ARHGAP10: variants seen among roughly 807,000 people sequenced by gnomAD.
The protein encoded by ARHGAP10 is Rho GTPase activating protein 10.
In ARHGAP10, 87 loss-of-function variants were observed where a neutral mutation model predicts 108.6. The observed-to-expected ratio is 0.80, with a 90% CI of 0.67 to 0.96. The LOEUF is 0.96. Among genes scored for constraint, ARHGAP10 ranks in the 40% least tolerant of loss-of-function variants. ARHGAP10 has a pLI of 0.00. For synonymous variants in ARHGAP10, 347 were observed against 341.1 expected, an observed-to-expected ratio of 1.02 and a Z score of -0.19; for missense variants, 939 against 954.5, an observed-to-expected ratio of 0.98 and a Z score of 0.21.
At chr4:147,975,820 A>G (rs778024316) in intron 18 of ARHGAP10, among the ~76,000 whole-genome samples, 6 of 152,246 alleles carry the variant, frequency 3.9e-5, no homozygotes, top group Non-Finnish European at 8.8e-5. Flanking sequence ...GCAGTGTCCA[A>G]TGTAATCACC....
intron 18 of ARHGAP10, among the ~76,000 whole-genome samples, chr4:148,014,047 C>T (rs1220210451): frequency 6.6e-6 from 1 of 151,932 alleles, no homozygotes; most frequent in African/African-American, 2.4e-5. Flanking sequence ...GAAAAGGAAC[C>T]TCAAAAGAAG....
intron 7 of ARHGAP10, 23 bp from the exon 8 acceptor site, chr4:147,874,997 TG>T (rs745790711): frequency 6.4e-7 from 1 of 1,554,280 alleles, no homozygotes; most frequent in East Asian, 2.3e-5. Context: ...TTAACATTTA[TG>T]TGTGTTTTTT....
chr4:147,744,275 A>G (rs1191901960), intron 1 of ARHGAP10, among the ~76,000 whole-genome samples: 3 of 151,604 alleles, frequency 2.0e-5, no homozygotes, highest in African/African-American at 7.3e-5. Flanking sequence ...CTCCAAGTGC[A>G]GGGAAAATGC....
chr4:147,979,612 G>A (rs1326988507), intron 18 of ARHGAP10, among the ~76,000 whole-genome samples: 1 of 152,138 alleles, frequency 6.6e-6, no homozygotes. Flanking sequence ...TGAATCTGTG[G>A]ATTGCTTTGG....
chr4:148,035,043 C>A (rs181140415), intron 19 of ARHGAP10, among the ~76,000 whole-genome samples: 3 of 152,288 alleles, frequency 2.0e-5, no homozygotes, highest in African/African-American at 4.8e-5. Flanking sequence ...AGATTTCCAT[C>A]GACCTTTGCA....
intron 3 of ARHGAP10, among the ~76,000 whole-genome samples, chr4:147,841,122 G>A (rs1733398434): frequency 6.6e-6 from 1 of 152,234 alleles, no homozygotes; most frequent in Admixed American, 6.5e-5. Flanking sequence ...TGGCTGCAAA[G>A]CCTAAATTAT....
At chr4:147,843,158 G>C (rs958890030) in intron 3 of ARHGAP10, among the ~76,000 whole-genome samples, 1 of 152,108 alleles carries the variant, frequency 6.6e-6, no homozygotes, top group Non-Finnish European at 1.5e-5. Flanking sequence ...ATTTTGACTC[G>C]TATGACAGGC....
At chr4:147,856,055 G>T (rs1282559451) in intron 4 of ARHGAP10, among the ~76,000 whole-genome samples, 1 of 152,166 alleles carries the variant, frequency 6.6e-6, no homozygotes, top group Admixed American at 6.5e-5. Context: ...GAGAGTTAGG[G>T]AGAATTTGAA....
chr4:147,815,386 A>G (rs1475354318), intron 1 of ARHGAP10, among the ~76,000 whole-genome samples: 2 of 152,138 alleles, frequency 1.3e-5, no homozygotes, highest in Non-Finnish European at 2.9e-5. Context: ...TGTCCTAATC[A>G]TCCCTGGAAC....
At chr4:147,835,798 AAAATT>A (rs1325475735) in intron 3 of ARHGAP10, among the ~76,000 whole-genome samples, 1 of 152,280 alleles carries the variant, frequency 6.6e-6, no homozygotes, top group Non-Finnish European at 1.5e-5. Flanking sequence ...AAACAAAAAA[AAAATT>A]CAAAATTGCC....
rs113840488 is a variant in ARHGAP10 at position 147,964,174 on chromosome 4, C to T, written c.1451-850C>T. On this transcript the variant is annotated intron_variant, in intron 16 of 22. Coordinates refer to ENST00000336498, the MANE Select transcript of ARHGAP10 (RefSeq NM_024605.4). ...CAAAGCCCCGTGACCCCCCTCCCTA[C>T]GAGCCTCCTCTGCGGGCCCTTACGC... Among the ~76,000 whole-genome samples, 8 of 152,296 alleles carry T rather than the reference C, an allele frequency of 5.3e-5. 2 individuals are homozygous for T. The highest frequency in any genetic ancestry group is 1.4e-4 in the African/African-American group (6 of 41,552).
At chr4:147,848,616 G>A (rs1579112821) in intron 4 of ARHGAP10, among the ~76,000 whole-genome samples, 1 of 152,174 alleles carries the variant, frequency 6.6e-6, no homozygotes, top group African/African-American at 2.4e-5. Context: ...TCATTGGCAG[G>A]TATTCCGTGT....
At chr4:148,036,066 C>CTGTGTGTGTGTG (rs61692055) in intron 19 of ARHGAP10, among the ~76,000 whole-genome samples, 45 of 142,870 alleles carry the variant, frequency 3.1e-4, no homozygotes, top group African/African-American at 1.1e-3. Context: ...GGAGCTGCCT[C>CTGTGTGTGTGTG]TGTGTGTGTG....
chr4:147,894,832 T>G (rs976591088), intron 10 of ARHGAP10, among the ~76,000 whole-genome samples: 2 of 152,186 alleles, frequency 1.3e-5, no homozygotes, highest in Non-Finnish European at 2.9e-5. Flanking sequence ...ATCACTTGAC[T>G]GTGCATCTGT....
At chr4:147,860,643 A>G (rs376570896) in intron 5 of ARHGAP10, among the ~76,000 whole-genome samples, 29 of 152,272 alleles carry the variant, frequency 1.9e-4, no homozygotes, top group East Asian at 1.5e-3. Context: ...AGAAAATTCC[A>G]TTTCTGTTTA....
At chr4:147,770,309 G>C (rs1270054210) in intron 1 of ARHGAP10, among the ~76,000 whole-genome samples, 1 of 152,144 alleles carries the variant, frequency 6.6e-6, no homozygotes, top group Non-Finnish European at 1.5e-5. Flanking sequence ...AGGATCATTG[G>C]AGGTCAGGAG....
rs34158761 is a variant in ARHGAP10 at position 148,069,704 on chromosome 4, C to T, written c.2273-2289C>T. 6.6e-3 allele frequency among the ~76,000 whole-genome samples: 1,008 copies of T among 152,272 alleles called. 3 individuals are homozygous for T. Among genetic ancestry groups the T allele is most frequent in the Non-Finnish European group, 0.011 (752 of 68,010 alleles). On this transcript the variant is annotated intron_variant, in intron 22 of 22. Coordinates refer to ENST00000336498, the MANE Select transcript of ARHGAP10 (RefSeq NM_024605.4). ...CCTGCAAGCTAAGTGCTAGTAACCC[C>T]GTATTGCAGGTAACAGCCGAGCAAG...
At chr4:147,865,745 A>C (rs751100558) in intron 6 of ARHGAP10, 6 of 152,228 alleles carry the variant, frequency 3.9e-5, no homozygotes, top group Non-Finnish European at 5.9e-5. Flanking sequence ...GTAATGATTA[A>C]AAATGAGCAT....
At chr4:147,784,957 ATATAT>A (rs1473947475) in intron 1 of ARHGAP10, among the ~76,000 whole-genome samples, 1 of 133,154 alleles carries the variant, frequency 7.5e-6, no homozygotes, top group Non-Finnish European at 1.5e-5. Flanking sequence ...ATGTTATAAA[ATATAT>A]TATGAAATAT....
Sources: allele counts gnomAD v4.1 joint callset (sites outside exome capture counted in the v4.1 genomes callset), GRCh38; gene constraint gnomAD v4.1.1; transcripts MANE v1.5; gene names NCBI Gene and HGNC (gene_info 2026-07-23, HGNC 2026-07-21).